Variants in BAZ1B observed in about 807,000 individuals in gnomAD.
The protein encoded by BAZ1B is bromodomain adjacent to zinc finger domain 1B, also known as tyrosine-protein kinase BAZ1B.
Under a neutral mutation model 153.8 loss-of-function variants are expected in BAZ1B, and 22 were observed. That is an observed-to-expected ratio of 0.14 (90% CI 0.10 to 0.20). BAZ1B has a LOEUF of 0.20. Among genes scored for constraint, BAZ1B ranks in the 10% least tolerant of loss-of-function variants. The probability of loss-of-function intolerance (pLI) is 1.00; values close to 1 mark genes in which losing one functional copy is unlikely to be tolerated. For missense variants in BAZ1B, 1,325 were observed against 1,799.3 expected, an observed-to-expected ratio of 0.74 and a Z score of 4.77; for synonymous variants, 676 against 633.4, an observed-to-expected ratio of 1.07 and a Z score of -1.01.
At chr7:73,494,251 C>G (rs1789781224) in intron 4 of BAZ1B, among the ~76,000 whole-genome samples, 1 of 152,000 alleles carries the variant, frequency 6.6e-6, no homozygotes, top group African/African-American at 2.4e-5. Context: ...GGCATGGTGG[C>G]ACGTGCCTGT....
intron 2 of BAZ1B, among the ~76,000 whole-genome samples, chr7:73,510,034 C>A (rs1382805480): frequency 1.3e-5 from 2 of 150,858 alleles, no homozygotes; most frequent in East Asian, 3.9e-4. Context: ...GGCTGAGGCA[C>A]GAGAATCACT....
At chr7:73,476,704 A>C (rs188160483) in intron 7 of BAZ1B, among the ~76,000 whole-genome samples, 164 bp downstream of exon 7, 1 of 152,242 alleles carries the variant, frequency 6.6e-6, no homozygotes, top group Non-Finnish European at 1.5e-5. Flanking sequence ...GAAATATGAA[A>C]TTATCAACAG....
At position 73,450,052 on chromosome 7, in the gene BAZ1B, CT is replaced by C. The variant is rs572469264; in HGVS notation, c.3581-364del. Among the ~76,000 whole-genome samples, 7,498 of 145,650 alleles carry C rather than the reference CT, an allele frequency of 0.051. 202 individuals are homozygous for C. Among genetic ancestry groups the C allele is most frequent in the Non-Finnish European group, 0.068 (4,500 of 65,874 alleles). On this transcript the variant is annotated intron_variant, in intron 14 of 19. Transcript: ENST00000339594. The surrounding 1 kb of genome is among the most constrained non-coding windows in gnomAD (Gnocchi z 4.1). Reference sequence around the variant, plus strand: ...TGCCTGATGAGTGTTCTCTCTCTCTCTTTTTTTTTTTTGGAGACAGAGTCTT... The same window carrying C: ...TGCCTGATGAGTGTTCTCTCTCTCTCTTTTTTTTTTTGGAGACAGAGTCTT...
chr7:73,521,955 T>C lies in BAZ1B; in HGVS notation c.-22A>G, dbSNP rs1349849239. 5.0e-6 allele frequency: 7 copies of C among 1,387,842 alleles called. No homozygotes were observed. In the African/African-American group the frequency reaches 7.7e-5, roughly 15 times the overall value. The allele number at this position is 1,387,842 out of a possible 1,614,324, so 86.0% of individuals were successfully genotyped here. A position where few individuals can be genotyped will look rare whatever the true frequency, so the allele number is the denominator to read the frequency against. ...CCATCGCGGCGGCGGCGGTGGGGAC[T>C]GGCGGCTGCTGGGGCCGGCCCCGCG... On this transcript the variant is annotated 5_prime_UTR_variant, in exon 1 of 20. Transcript: ENST00000339594.
At chr7:73,508,582 A>C (rs1344672476) in intron 2 of BAZ1B, 111 bp from the exon 3 acceptor site, 2 of 1,276,194 alleles carry the variant, frequency 1.6e-6, no homozygotes, top group Non-Finnish European at 2.1e-6. Context: ...TCAAACATTT[A>C]TCGCTCTGTC....
chr7:73,490,528 T>C (rs968722732), intron 5 of BAZ1B, among the ~76,000 whole-genome samples: 27 of 152,242 alleles, frequency 1.8e-4, no homozygotes, highest in Non-Finnish European at 2.5e-4. Context: ...CTGTAACCAA[T>C]ACTTATATTT....
intron 17 of BAZ1B, among the ~76,000 whole-genome samples, chr7:73,443,418 C>CA (rs568781123): frequency 1.4e-4 from 21 of 152,138 alleles, no homozygotes; most frequent in Non-Finnish European, 2.9e-4. Flanking sequence ...CCACAGAGCC[C>CA]AAGGCTGTGG....
In BAZ1B at chr7:73,505,668, G is replaced by A. The variant is rs561672091; in HGVS notation, c.369+2659C>T. Among the ~76,000 whole-genome samples the A allele has an allele frequency of 5.9e-5, 9 of 151,362 alleles. No individual in the cohort carries two copies. The East Asian group carries it at 1.4e-3, about 23-fold the overall frequency. Reference sequence around the variant, plus strand: ...ACAGTTCAAGCAATTCTCCCACTTCGGCCTCCCGAGTAGCTGGGACTACAG... The same window carrying A: ...ACAGTTCAAGCAATTCTCCCACTTCAGCCTCCCGAGTAGCTGGGACTACAG... On this transcript the variant is annotated intron_variant, in intron 3 of 19. Transcript: ENST00000339594.
At chr7:73,475,414 CA>C (rs1788959847) in intron 7 of BAZ1B, among the ~76,000 whole-genome samples, 1 of 152,202 alleles carries the variant, frequency 6.6e-6, no homozygotes, top group Non-Finnish European at 1.5e-5. Context: ...AGTACTAACA[CA>C]TGCTACAACA....
chr7:73,495,255 C>G (rs189896164), intron 4 of BAZ1B, among the ~76,000 whole-genome samples: 2 of 152,240 alleles, frequency 1.3e-5, no homozygotes, highest in Non-Finnish European at 2.9e-5. Flanking sequence ...TGCGCTCCAG[C>G]CTGGGTGACA....
chr7:73,470,514 A>G (rs781870692), intron 7 of BAZ1B, 31 bp from the exon 8 acceptor site: 37 of 1,607,654 alleles, frequency 2.3e-5, no homozygotes, highest in Admixed American at 3.4e-5. Flanking sequence ...CAAATCAGAT[A>G]TTTTCCTAGT....
At chr7:73,447,153 G>T in intron 16 of BAZ1B, 111 bp downstream of exon 16, 1 of 1,587,748 alleles carries the variant, frequency 6.3e-7, no homozygotes, top group South Asian at 1.1e-5. Context: ...CAACACAAGA[G>T]AAAAGGAATA....
In BAZ1B at chr7:73,491,617, G is replaced by GA. The variant is rs1238868056; in HGVS notation, c.693+1182dup. 2.4e-4 allele frequency among the ~76,000 whole-genome samples: 36 copies of GA among 147,652 alleles called. No homozygotes were observed. In the East Asian group the frequency reaches 4.5e-3, roughly 19 times the overall value. On this transcript the variant is annotated intron_variant, in intron 5 of 19. Coordinates refer to ENST00000339594, the MANE Select transcript of BAZ1B (RefSeq NM_032408.4). ...TCCATCTCAAAAAAAGAAAAGAAAA[G>GA]AAAAAAAAAATCCTAACAACCCAGC...
Position 73,478,271 on chromosome 7 carries a change from T to G in BAZ1B, c.1190A>C (p.His397Pro). 1.9e-6 allele frequency: 3 copies of G among 1,614,256 alleles called. No individual in the cohort carries two copies. The highest frequency in any genetic ancestry group is 2.2e-5 in the South Asian group (2 of 91,088). Residue 397 changes from histidine to proline, a missense_variant, in exon 7 of 20, where the codon CAC (histidine) becomes CCC (proline). His to Pro is a moderately conservative substitution (Grantham distance 77). Around this residue, in one of 9 missense-constraint regions of BAZ1B, gnomAD observed 219 missense variants for 248.2 expected, o/e 0.88. Transcript: ENST00000339594. ...KGPPAKKPGKHSDKPLKAKGR... is the reference protein window; with the variant it reads ...KGPPAKKPGKPSDKPLKAKGR... ...CTTTGCCTTCAAAGGCTTGTCACTG[T>G]GCTTCCCTGGTTTCTTGGCAGGTGG...
chr7:73,451,754 CCTTA>C (rs1426168143), intron 13 of BAZ1B, among the ~76,000 whole-genome samples: 1 of 152,256 alleles, frequency 6.6e-6, no homozygotes, highest in Non-Finnish European at 1.5e-5. Context: ...CAATCTCCTT[CCTTA>C]CTTTTGCAGA....
At position 73,496,348 on chromosome 7, in the gene BAZ1B, G is replaced by A. The variant is rs1017238491; in HGVS notation, c.571+2149C>T. On this transcript the variant is annotated intron_variant, in intron 4 of 19. Transcript: ENST00000339594. The stretch of plus-strand genomic sequence containing the variant: ...CAACTTGGGATGGACCAACTACAAT[G>A]ACACTCTCAGAAGTTTGCTTCGAAC... Among the ~76,000 whole-genome samples, 5 of 152,152 alleles carry A rather than the reference G, an allele frequency of 3.3e-5. No homozygotes were observed. The East Asian group carries it at 9.6e-4, about 29-fold the overall frequency.
intron 6 of BAZ1B, among the ~76,000 whole-genome samples, chr7:73,484,304 TAGATAGATAGAC>T (rs1256588575): frequency 6.0e-5 from 9 of 150,080 alleles, no homozygotes; most frequent in African/African-American, 2.2e-4. Context: ...GATAGATAGA[TAGATAGATAGAC>T]AGACAGACAG....
chr7:73,457,947 C>G (rs371264726), intron 13 of BAZ1B, among the ~76,000 whole-genome samples: 1 of 152,172 alleles, frequency 6.6e-6, no homozygotes, highest in African/African-American at 2.4e-5. Flanking sequence ...TTGTTCCACA[C>G]GTCTCATCCA....
In BAZ1B at chr7:73,466,280, T is replaced by C. The variant is rs1788580392; in HGVS notation, c.2972+16A>G. On this transcript the variant is annotated intron_variant, in intron 10 of 19. Coordinates refer to ENST00000339594, the MANE Select transcript of BAZ1B (RefSeq NM_032408.4). ...AAAGGAAAAAGAAAGAGCAACCAGA[T>C]GAATGCTCACATTACCATAGGTTCT... 1.3e-6 allele frequency: 2 copies of C among 1,559,796 alleles called. No individual in the cohort carries two copies. The highest frequency in any genetic ancestry group is 2.2e-5 in the East Asian group (1 of 44,568).
Sources: gnomAD v4.1 joint callset for allele counts (sites outside exome capture counted in the v4.1 genomes callset) on GRCh38, gnomAD v4.1.1 for gene constraint, gnomAD v4.1.1 regional missense constraint, Gnocchi (gnomAD v3.1) non-coding constraint, MANE v1.5 for transcripts, NCBI Gene and HGNC (gene_info 2026-07-23, HGNC 2026-07-21) for gene names.